Variants in ADAMTSL1 observed in about 807,000 individuals in gnomAD.
ADAMTSL1 encodes ADAMTS-like protein 1.
A neutral mutation model predicts 201.8 loss-of-function variants in ADAMTSL1; 126 were observed. That is an observed-to-expected ratio of 0.62 (90% CI 0.54 to 0.72). The LOEUF is 0.72. Among genes scored for constraint, ADAMTSL1 ranks in the 30% least tolerant of loss-of-function variants. The probability of loss-of-function intolerance (pLI) is 0.00; values close to 1 mark genes in which losing one functional copy is unlikely to be tolerated. For synonymous variants in ADAMTSL1, 1,121 were observed against 903.4 expected (o/e 1.24, Z -4.32); for missense variants, 2,679 against 2,277.8 (o/e 1.18, Z -3.59).
At chr9:18,083,562 T>G (rs775569220) in intron 1 of ADAMTSL1, among the ~76,000 whole-genome samples, 2 of 152,188 alleles carry the variant, frequency 1.3e-5, no homozygotes, top group African/African-American at 4.8e-5. Context: ...AAACCTTTGA[T>G]TGTGTAAAGC....
At chr9:17,950,736 A>G (rs898266303) in intron 1 of ADAMTSL1, among the ~76,000 whole-genome samples, 2 of 152,120 alleles carry the variant, frequency 1.3e-5, no homozygotes, top group African/African-American at 4.8e-5. Flanking sequence ...CAGAGTCACA[A>G]CTGAAAACAG....
intron 2 of ADAMTSL1, among the ~76,000 whole-genome samples, chr9:18,509,995 A>C (rs1056619933): frequency 6.6e-6 from 1 of 152,196 alleles, no homozygotes; most frequent in African/African-American, 2.4e-5. Context: ...GAGTTTATGA[A>C]TGTATATATG....
At chr9:18,434,229 GC>G (rs1170255291) in intron 2 of ADAMTSL1, among the ~76,000 whole-genome samples, 6 of 152,088 alleles carry the variant, frequency 3.9e-5, no homozygotes, top group African/African-American at 1.2e-4. Flanking sequence ...GGTCATAAAA[GC>G]TTTGGGCAAG....
At chr9:18,057,900 A>T (rs1346857860) in intron 1 of ADAMTSL1, among the ~76,000 whole-genome samples, 1 of 152,182 alleles carries the variant, frequency 6.6e-6, no homozygotes, top group Non-Finnish European at 1.5e-5. Context: ...CCTATTATCC[A>T]TCTTTGTTAC....
intron 1 of ADAMTSL1, among the ~76,000 whole-genome samples, chr9:18,159,996 A>G (rs567231517): frequency 8.5e-5 from 13 of 152,120 alleles, no homozygotes; most frequent in East Asian, 7.8e-4. Flanking sequence ...CTAATTTCCT[A>G]TATTTACCTA....
At chr9:17,965,073 A>AT (rs1817927148) in intron 1 of ADAMTSL1, among the ~76,000 whole-genome samples, 1 of 152,064 alleles carries the variant, frequency 6.6e-6, no homozygotes, top group African/African-American at 2.4e-5. Context: ...TCTATTTAGT[A>AT]TTTTTACAAT....
At chr9:18,356,161 C>T (rs914930956) in intron 2 of ADAMTSL1, among the ~76,000 whole-genome samples, 1 of 152,194 alleles carries the variant, frequency 6.6e-6, no homozygotes, top group African/African-American at 2.4e-5. Context: ...TCTCCCTACC[C>T]AAAGGCAGGA....
At chr9:18,433,892 T>C (rs1365519738) in intron 2 of ADAMTSL1, among the ~76,000 whole-genome samples, 1 of 152,228 alleles carries the variant, frequency 6.6e-6, no homozygotes, top group Non-Finnish European at 1.5e-5. Context: ...ATACAGAATG[T>C]GTCCATATAA....
chr9:18,337,123 C>A (rs1412641192), intron 2 of ADAMTSL1, among the ~76,000 whole-genome samples: 1 of 152,078 alleles, frequency 6.6e-6, no homozygotes, highest in Non-Finnish European at 1.5e-5. Context: ...GACCCACCCT[C>A]AATCTGGGTG....
chr9:18,853,221 T>TG (rs2131378272), intron 23 of ADAMTSL1, among the ~76,000 whole-genome samples: 1 of 152,296 alleles, frequency 6.6e-6, no homozygotes, highest in Admixed American at 6.5e-5. Context: ...TCTCCATGTG[T>TG]GACTGCCCAA....
chr9:18,501,951 A>T (rs756298998), intron 1 of ADAMTSL1, among the ~76,000 whole-genome samples: 11 of 152,204 alleles, frequency 7.2e-5, no homozygotes, highest in Non-Finnish European at 1.5e-4. Context: ...AGCTTTTAGT[A>T]CTTCTTCAAA....
At chr9:18,702,271 T>G (rs574489600) in intron 13 of ADAMTSL1, among the ~76,000 whole-genome samples, 1 of 152,292 alleles carries the variant, frequency 6.6e-6, no homozygotes, top group African/African-American at 2.4e-5. Context: ...TCAAATATGT[T>G]AGTTACAGGC....
At chr9:18,077,822 G>T (rs532028794) in intron 1 of ADAMTSL1, among the ~76,000 whole-genome samples, 3 of 152,294 alleles carry the variant, frequency 2.0e-5, no homozygotes, top group Non-Finnish European at 4.4e-5. Context: ...GGGGCTAATC[G>T]GAGGAAGATG....
chr9:18,142,235 CCA>C (rs10553004), intron 1 of ADAMTSL1, among the ~76,000 whole-genome samples: 1,993 of 152,306 alleles, frequency 0.013, 41 homozygotes, highest in African/African-American at 0.046. Flanking sequence ...GTTCCATGCT[CCA>C]CACACAGAGC....
At position 18,825,792 on chromosome 9, in the gene ADAMTSL1, G is replaced by A. The variant is rs535902034; in HGVS notation, c.3935-492G>A. On this transcript the variant is annotated intron_variant, in intron 21 of 28. Transcript: ENST00000380548. ...CCAGGTTTTTTTTTTTTTACTTACG[G>A]AAAGGAAATTATACAGTATGTACTC... Among the ~76,000 whole-genome samples, 4 of 151,598 alleles carry A rather than the reference G, an allele frequency of 2.6e-5. No individual in the cohort carries two copies. In the South Asian group the frequency reaches 8.3e-4, roughly 32 times the overall value.
chr9:18,670,106 C>T (rs1374223150), intron 9 of ADAMTSL1, among the ~76,000 whole-genome samples: 1 of 152,116 alleles, frequency 6.6e-6, no homozygotes. Context: ...GAAGATGGAG[C>T]ACCATTTTCT....
chr9:18,458,483 G>A (rs1299444871), intron 2 of ADAMTSL1, among the ~76,000 whole-genome samples: 2 of 152,152 alleles, frequency 1.3e-5, no homozygotes, highest in Non-Finnish European at 2.9e-5. Flanking sequence ...AACAGCTAAT[G>A]TGAGATCTGA....
intron 20 of ADAMTSL1, among the ~76,000 whole-genome samples, chr9:18,805,435 CAG>C (rs1367123474): frequency 6.6e-6 from 1 of 152,190 alleles, no homozygotes; most frequent in Admixed American, 6.5e-5. Context: ...CTGCTCCTCA[CAG>C]AGTTTTGCCA....
intron 1 of ADAMTSL1, among the ~76,000 whole-genome samples, chr9:18,001,439 T>A (rs1476651905): frequency 6.6e-6 from 1 of 152,010 alleles, no homozygotes; most frequent in Non-Finnish European, 1.5e-5. Context: ...GAGCTCACAG[T>A]CAGTGGGGAA....
Sources: gnomAD v4.1 joint callset for allele counts (sites outside exome capture counted in the v4.1 genomes callset) on GRCh38, gnomAD v4.1.1 for gene constraint, MANE v1.5 for transcripts, NCBI Gene and HGNC (gene_info 2026-07-23, HGNC 2026-07-21) for gene names.